Variants in FER1L6 observed in about 807,000 individuals in gnomAD.
FER1L6 encodes fer-1 like family member 6, also known as fer-1-like protein 6.
Under a neutral mutation model 219.2 loss-of-function variants are expected in FER1L6, and 177 were observed. That is an observed-to-expected ratio of 0.81 (90% CI 0.71 to 0.91). FER1L6 has a LOEUF of 0.91. Among genes scored for constraint, FER1L6 ranks in the 40% least tolerant of loss-of-function variants. The pLI is 0.00. For synonymous variants in FER1L6, 768 were observed against 824.3 expected (o/e 0.93, Z 1.17); for missense variants, 2,153 against 2,259.9 (o/e 0.95, Z 0.96).
intron 1 of FER1L6, among the ~76,000 whole-genome samples, chr8:123,913,699 T>C (rs1452032436): frequency 6.6e-6 from 1 of 152,184 alleles, no homozygotes; most frequent in Non-Finnish European, 1.5e-5. Context: ...AACCCTTGTG[T>C]TGGACAAGTT....
At chr8:124,028,281 T>C (rs1262900724) in intron 18 of FER1L6, among the ~76,000 whole-genome samples, 2 of 152,252 alleles carry the variant, frequency 1.3e-5, no homozygotes, top group East Asian at 1.9e-4. Flanking sequence ...AGTAGCTTTC[T>C]GGATCTTGTT....
intron 3 of FER1L6, among the ~76,000 whole-genome samples, chr8:123,965,770 C>T (rs1815508155): frequency 6.6e-6 from 1 of 152,114 alleles, no homozygotes; most frequent in African/African-American, 2.4e-5. Flanking sequence ...CCTTTATATG[C>T]ACTATATCAT....
Position 124,106,841 on chromosome 8 carries a change from T to C in FER1L6, c.5289+3532T>C, listed in dbSNP as rs574997004. On this transcript the variant is annotated intron_variant, in intron 39 of 40. Transcript: ENST00000522917. ...TTCTGTTCCCTTTCCTAATTTTCAGTGTCTAATGTGGTACGTAGCACATAA... is the reference window on the plus strand; with the variant it reads ...TTCTGTTCCCTTTCCTAATTTTCAGCGTCTAATGTGGTACGTAGCACATAA... Among the ~76,000 whole-genome samples, 18 of 152,274 alleles carry C rather than the reference T, an allele frequency of 1.2e-4. No individual in the cohort carries two copies. In the South Asian group the frequency reaches 3.7e-3, roughly 32 times the overall value.
In FER1L6 at chr8:123,977,612, A is replaced by C. The variant is rs1296259772; in HGVS notation, c.1063+3A>C. ...CAACGAACAGGATGGAGACAAAGGT[A>C]AAGTCCCATCCATCTGACTTGAAAA... is the stretch of plus-strand genomic sequence containing the variant. On this transcript the variant is annotated splice_donor_region_variant and intron_variant, in intron 10 of 40. Transcript: ENST00000522917. 2.5e-6 allele frequency: 4 copies of C among 1,613,400 alleles called. No homozygotes were observed. The highest frequency in any genetic ancestry group is 3.4e-6 in the Non-Finnish European group (4 of 1,179,586).
chr8:124,061,867 G>C lies in FER1L6; in HGVS notation c.3163G>C (p.Glu1055Gln). ...CTCTCTGCAGGAACTGCCTGAGAAC[G>C]AGCTTCTGCACCCGCCACTGAGCAT... ...DAFEVELPEN[E>Q]LLHPPLSICV... The change falls in exon 25 of 41, where the codon GAG becomes CAG. Residue 1055 changes from glutamate to glutamine, a missense_variant. Coordinates refer to ENST00000522917, the MANE Select transcript of FER1L6 (RefSeq NM_001039112.2). The C allele has an allele frequency of 6.2e-7, 1 of 1,613,664 alleles. No individual in the cohort carries two copies. The highest frequency in any genetic ancestry group is 8.5e-7 in the Non-Finnish European group (1 of 1,179,956).
chr8:123,874,864 G>GA (rs1816979641), intron 1 of FER1L6, among the ~76,000 whole-genome samples: 5 of 152,042 alleles, frequency 3.3e-5, no homozygotes, highest in Non-Finnish European at 5.9e-5. Flanking sequence ...GATACTATAT[G>GA]TTCCTCCAGC....
intron 35 of FER1L6, among the ~76,000 whole-genome samples, chr8:124,096,105 G>A (rs371455810): frequency 3.3e-5 from 5 of 152,204 alleles, no homozygotes; most frequent in Non-Finnish European, 5.9e-5. Context: ...GTGATTGCAC[G>A]TGTGGACGAC....
chr8:123,877,488 A>G (rs1481441511), intron 1 of FER1L6, among the ~76,000 whole-genome samples: 1 of 152,162 alleles, frequency 6.6e-6, no homozygotes, highest in East Asian at 1.9e-4. Flanking sequence ...TGCAGCTGGC[A>G]GCACTGGCAT....
At chr8:124,087,656 T>C (rs1452697731) in intron 33 of FER1L6, among the ~76,000 whole-genome samples, 1 of 152,160 alleles carries the variant, frequency 6.6e-6, no homozygotes, top group Non-Finnish European at 1.5e-5. Context: ...TGTCTGGGCA[T>C]TGAAGAGTTA....
At chr8:123,856,085 GTA>G (rs1425247156) in intron 1 of FER1L6, among the ~76,000 whole-genome samples, 54 of 67,832 alleles carry the variant, frequency 8.0e-4, no homozygotes, top group African/African-American at 3.4e-3. Flanking sequence ...ATACATATGT[GTA>G]TGAGATATAT....
intron 27 of FER1L6, among the ~76,000 whole-genome samples, chr8:124,067,207 T>C: frequency 6.6e-6 from 1 of 152,230 alleles, no homozygotes; most frequent in Non-Finnish European, 1.5e-5. Flanking sequence ...CTTCTGCTTC[T>C]TTAGTTTGGA....
At chr8:124,005,973 A>G (rs1817637077) in intron 13 of FER1L6, among the ~76,000 whole-genome samples, 1 of 152,188 alleles carries the variant, frequency 6.6e-6, no homozygotes, top group East Asian at 1.9e-4. Context: ...CCTTCCAAGA[A>G]TCACCTTCTT....
intron 1 of FER1L6, among the ~76,000 whole-genome samples, chr8:123,890,671 T>G (rs1812629774): frequency 7.4e-6 from 1 of 134,440 alleles, no homozygotes; most frequent in African/African-American, 2.8e-5. Context: ...TCTAGAGAGC[T>G]ACAGGAGCTT....
Position 124,073,164 on chromosome 8 carries a change from A to T in FER1L6, c.4092+1533A>T, listed in dbSNP as rs185313471. Among the ~76,000 whole-genome samples the T allele has an allele frequency of 4.1e-3, 623 of 152,358 alleles. 3 individuals are homozygous for T. The highest frequency in any genetic ancestry group is 0.027 in the Middle Eastern group (8 of 294). Reference sequence around the variant, plus strand: ...GGAAGGAGAGGGAAGAATTTCTGTGAACTACAGAGATTGGAGAAAGATCTG... The same window carrying T: ...GGAAGGAGAGGGAAGAATTTCTGTGTACTACAGAGATTGGAGAAAGATCTG... On this transcript the variant is annotated intron_variant, in intron 31 of 40. Transcript: ENST00000522917.
At chr8:124,105,953 C>T (rs1377399293) in intron 39 of FER1L6, among the ~76,000 whole-genome samples, 2 of 152,008 alleles carry the variant, frequency 1.3e-5, no homozygotes. Context: ...TCAGAATAGG[C>T]AAATCCATAG....
intron 21 of FER1L6, among the ~76,000 whole-genome samples, 198 bp from the exon 22 acceptor site, chr8:124,049,409 C>T (rs886596955): frequency 6.6e-6 from 1 of 151,924 alleles, no homozygotes; most frequent in Non-Finnish European, 1.5e-5. Flanking sequence ...CCAGGATGAC[C>T]CTTTTAGGAG....
rs780197233 is a variant in FER1L6, at chr8:124,060,566, C to T, written c.3004C>T (p.Arg1002Trp). The change falls in exon 24 of 41, where the codon CGG (arginine) becomes TGG (tryptophan). Residue 1002 changes from arginine (R) to tryptophan (W), a missense_variant. By Grantham distance (101) the Arg-to-Trp change is moderately radical (BLOSUM62 -3). Transcript: ENST00000522917. ...YRVEVLFWGV[R>W]EMKKVQLLSV... Reference sequence around the variant, plus strand: ...TCCTCAGGTTCTCTTCTGGGGAGTTCGGGAAATGAAGAAGGTGCAGCTCCT... The same window carrying T: ...TCCTCAGGTTCTCTTCTGGGGAGTTTGGGAAATGAAGAAGGTGCAGCTCCT... 5 of 1,613,720 alleles carry T rather than the reference C, an allele frequency of 3.1e-6. No homozygotes were observed. The highest frequency in any genetic ancestry group is 1.7e-5 in the Admixed American group (1 of 59,976).
At position 123,865,451 on chromosome 8, in the gene FER1L6, C is replaced by A. The variant is rs1253767013; in HGVS notation, c.-8+13266C>A. 5.3e-5 allele frequency among the ~76,000 whole-genome samples: 8 copies of A among 151,288 alleles called. No individual in the cohort carries two copies. The East Asian group carries it at 1.4e-3, about 26-fold the overall frequency. Reference sequence around the variant, plus strand: ...GTCTTTTTGTTTGTCTGTGCCCTGCCCCCAGAGGTGGAGCCTACAGAGGCA... The same window carrying A: ...GTCTTTTTGTTTGTCTGTGCCCTGCACCCAGAGGTGGAGCCTACAGAGGCA... On this transcript the variant is annotated intron_variant, in intron 1 of 40. Coordinates refer to ENST00000522917, the MANE Select transcript of FER1L6 (RefSeq NM_001039112.2).
chr8:123,968,185 A>G (rs1166165498), intron 5 of FER1L6, among the ~76,000 whole-genome samples: 1 of 152,194 alleles, frequency 6.6e-6, no homozygotes, highest in Non-Finnish European at 1.5e-5. Context: ...GCATGGATGT[A>G]ATATGAGATA....
Sources: gnomAD v4.1 joint callset for allele counts (sites outside exome capture counted in the v4.1 genomes callset) on GRCh38, gnomAD v4.1.1 for gene constraint, MANE v1.5 for transcripts, NCBI Gene and HGNC (gene_info 2026-07-23, HGNC 2026-07-21) for gene names.